Variants in KDM2A observed in about 807,000 individuals in gnomAD.
KDM2A encodes the protein lysine-specific demethylase 2A.
A neutral mutation model predicts 137.3 loss-of-function variants in KDM2A; 3 were observed. The ratio of observed to expected loss-of-function variants is 0.02; its 90% CI spans 0.01 to 0.06. KDM2A has a LOEUF of 0.06. Ranked by LOEUF, KDM2A falls within the 10% of genes least tolerant of loss-of-function variation. The pLI is 1.00. For synonymous variants in KDM2A, 512 were observed against 541.5 expected, an observed-to-expected ratio of 0.95 and a Z score of 0.76; for missense variants, 738 against 1,510.6, an observed-to-expected ratio of 0.49 and a Z score of 8.48.
At chr11:67,236,983 G>T (rs1458305517) in intron 12 of KDM2A, among the ~76,000 whole-genome samples, 1 of 152,174 alleles carries the variant, frequency 6.6e-6, no homozygotes, top group Non-Finnish European at 1.5e-5. Flanking sequence ...GTTTGTAGGT[G>T]CCTGGCATGA....
intron 10 of KDM2A, among the ~76,000 whole-genome samples, chr11:67,224,828 AT>A (rs764581976): frequency 0.012 from 808 of 66,244 alleles, no homozygotes; most frequent in African/African-American, 0.042. Flanking sequence ...CAGCTGCAGC[AT>A]TTTTTTTTTT....
In KDM2A at chr11:67,228,087, G is replaced by A; in HGVS notation, c.1008G>A (p.Val336=). Residue 336 remains valine (V), a synonymous_variant, in exon 11 of 21, where the codon GTG becomes GTA. Transcript: ENST00000529006. ...TCTACTATGAGATGTGTTGGTATGT[G>A]TTGGAGCGCTATGTGTACTGCATAA... ...YPFYYEMCWY[V]LERYVYCITN... is the part of the protein sequence containing the mutation. 1 of 1,612,936 alleles carries A rather than the reference G, an allele frequency of 6.2e-7. No homozygotes were observed. The highest frequency in any genetic ancestry group is 8.5e-7 in the Non-Finnish European group (1 of 1,178,940).
intron 7 of KDM2A, 128 bp downstream of exon 7, chr11:67,215,574 G>A: frequency 1.5e-6 from 1 of 674,098 alleles, no homozygotes; most frequent in Non-Finnish European, 2.6e-6. Context: ...ATTTAAAGAT[G>A]AGACTTTACA....
At chr11:67,140,988 A>G (rs1856086157) in intron 2 of KDM2A, among the ~76,000 whole-genome samples, 1 of 151,978 alleles carries the variant, frequency 6.6e-6, no homozygotes, top group Admixed American at 6.6e-5. Context: ...TTTTCTCCAG[A>G]CCTCTTACCT....
chr11:67,211,970 T>G (rs1238492077), intron 6 of KDM2A, among the ~76,000 whole-genome samples: 1 of 152,104 alleles, frequency 6.6e-6, no homozygotes, highest in Non-Finnish European at 1.5e-5. Context: ...AAATATGCAT[T>G]TATATAAACT....
intron 5 of KDM2A, among the ~76,000 whole-genome samples, chr11:67,199,112 G>C (rs142788427): frequency 1.4e-3 from 215 of 152,198 alleles, no homozygotes; most frequent in Admixed American, 2.3e-3. Context: ...TATTATACTT[G>C]TTTTGAGGTG....
At chr11:67,214,246 C>A (rs1858087795) in intron 6 of KDM2A, among the ~76,000 whole-genome samples, 1 of 141,436 alleles carries the variant, frequency 7.1e-6, no homozygotes, top group Non-Finnish European at 1.5e-5. Context: ...GCTCTGTTAC[C>A]CAGGCTGGAG....
At chr11:67,181,633 A>G (rs2136336356) in intron 4 of KDM2A, among the ~76,000 whole-genome samples, 1 of 151,856 alleles carries the variant, frequency 6.6e-6, no homozygotes, top group African/African-American at 2.4e-5. Context: ...CCTGAAATCT[A>G]CCACCCTTAG....
chr11:67,228,010 T>C (rs1322240378), intron 10 of KDM2A, 27 bp from the exon 11 acceptor site: 2 of 1,601,652 alleles, frequency 1.2e-6, no homozygotes, highest in East Asian at 4.5e-5. Flanking sequence ...AAAATCGTCA[T>C]CTTTTCTCTA....
At chr11:67,124,155 C>A (rs191482949) in intron 2 of KDM2A, among the ~76,000 whole-genome samples, 21 of 151,118 alleles carry the variant, frequency 1.4e-4, no homozygotes, top group African/African-American at 4.1e-4. Context: ...AGGTGCCCAC[C>A]ACCACACCCA....
intron 11 of KDM2A, among the ~76,000 whole-genome samples, chr11:67,229,279 C>G (rs1297769459): frequency 6.6e-6 from 1 of 152,162 alleles, no homozygotes; most frequent in Non-Finnish European, 1.5e-5. Context: ...TAGAGTCTGA[C>G]CAGCTTGGTT....
chr11:67,177,113 C>A (rs1304296841), intron 2 of KDM2A, among the ~76,000 whole-genome samples: 1 of 151,730 alleles, frequency 6.6e-6, no homozygotes, highest in Non-Finnish European at 1.5e-5. Flanking sequence ...AAAAATTAGC[C>A]GGGCATATTA....
intron 2 of KDM2A, among the ~76,000 whole-genome samples, chr11:67,161,026 A>G (rs1220343939): frequency 6.6e-6 from 1 of 152,160 alleles, no homozygotes; most frequent in Non-Finnish European, 1.5e-5. Context: ...CGGAGCTTGG[A>G]CTTCTCTTTC....
At chr11:67,184,003 G>A (rs1857147113) in intron 5 of KDM2A, among the ~76,000 whole-genome samples, 1 of 151,550 alleles carries the variant, frequency 6.6e-6, no homozygotes, top group Admixed American at 6.6e-5. Context: ...CAGCTACGTG[G>A]GGGGCAATTC....
intron 2 of KDM2A, among the ~76,000 whole-genome samples, chr11:67,153,861 C>G (rs916819016): frequency 6.6e-6 from 1 of 150,748 alleles, no homozygotes; most frequent in Non-Finnish European, 1.5e-5. Flanking sequence ...GTATATCTTG[C>G]ACTGATAATC....
rs538253931 is a variant in KDM2A, at chr11:67,193,051, G to A, written c.307+11159G>A. Reference sequence around the variant, plus strand: ...GTTTCTCAGTCTGGAGTGCAGTGCCGCGATCTCGGCTTACTGCAACCTCCG... The same window carrying A: ...GTTTCTCAGTCTGGAGTGCAGTGCCACGATCTCGGCTTACTGCAACCTCCG... On this transcript the variant is annotated intron_variant, in intron 5 of 20. Transcript: ENST00000529006. Among the ~76,000 whole-genome samples, 8 of 152,110 alleles carry A rather than the reference G, an allele frequency of 5.3e-5. No homozygotes were observed. In the East Asian group the frequency reaches 7.7e-4, roughly 15 times the overall value.
intron 12 of KDM2A, among the ~76,000 whole-genome samples, chr11:67,241,586 A>C (rs1859044387): frequency 6.6e-6 from 1 of 152,196 alleles, no homozygotes; most frequent in South Asian, 2.1e-4. Flanking sequence ...CCTGTCCAGG[A>C]TCAGAGTTTA....
intron 2 of KDM2A, among the ~76,000 whole-genome samples, chr11:67,157,404 TA>T (rs1243754230): frequency 2.0e-5 from 3 of 151,698 alleles, no homozygotes; most frequent in African/African-American, 4.8e-5. Context: ...ACTTTTTAAG[TA>T]GTAAACTTTA....
At chr11:67,221,097 G>A (rs917861241) in intron 10 of KDM2A, among the ~76,000 whole-genome samples, 2 of 151,934 alleles carry the variant, frequency 1.3e-5, no homozygotes, top group Non-Finnish European at 2.9e-5. Flanking sequence ...TCCACTAAGT[G>A]TTGTTTGCTG....
Sources: allele counts gnomAD v4.1 joint callset (sites outside exome capture counted in the v4.1 genomes callset), GRCh38; gene constraint gnomAD v4.1.1; transcripts MANE v1.5; gene names NCBI Gene and HGNC (gene_info 2026-07-23, HGNC 2026-07-21).